USP43: variants seen among roughly 807,000 people sequenced by gnomAD.
USP43 encodes ubiquitin carboxyl-terminal hydrolase 43.
A neutral mutation model predicts 90.7 loss-of-function variants in USP43; 33 were observed. The observed-to-expected ratio is 0.36, with a 90% CI of 0.28 to 0.49. The LOEUF is 0.49. Ranked by LOEUF, USP43 falls within the 20% of genes least tolerant of loss-of-function variation. The probability of loss-of-function intolerance (pLI) is 0.98; values close to 1 mark genes in which losing one functional copy is unlikely to be tolerated. For missense variants in USP43, 1,274 were observed against 1,476.4 expected (o/e 0.86, Z 2.25); for synonymous variants, 598 against 615.8 (o/e 0.97, Z 0.43).
intron 4 of USP43, 33 bp from the exon 5 acceptor site, chr17:9,676,713 C>A: frequency 6.2e-7 from 1 of 1,603,720 alleles, no homozygotes; most frequent in South Asian, 1.1e-5. Context: ...TCATGTCAGT[C>A]CTTTAAGGGT....
chr17:9,678,482 G>A (rs560374850), intron 5 of USP43, among the ~76,000 whole-genome samples: 7 of 152,140 alleles, frequency 4.6e-5, no homozygotes, highest in African/African-American at 1.7e-4. Context: ...TCAGCCTCCT[G>A]AGTATGCATC....
At chr17:9,688,832 G>A (rs1050103384) in intron 8 of USP43, among the ~76,000 whole-genome samples, 2 of 152,094 alleles carry the variant, frequency 1.3e-5, no homozygotes, top group East Asian at 1.9e-4. Flanking sequence ...GACTGCAGGT[G>A]TATGGTACCG....
intron 2 of USP43, among the ~76,000 whole-genome samples, chr17:9,659,514 C>T (rs756813036): frequency 7.9e-5 from 12 of 152,134 alleles, no homozygotes. Context: ...TTTCCCATGG[C>T]GGGAGAGAGG....
chr17:9,671,999 T>C (rs1025422718), intron 3 of USP43, among the ~76,000 whole-genome samples: 2 of 152,216 alleles, frequency 1.3e-5, no homozygotes, highest in African/African-American at 4.8e-5. Context: ...TTCTTTATTT[T>C]ATTTTTATTT....
intron 8 of USP43, among the ~76,000 whole-genome samples, chr17:9,690,411 T>TA (rs1914869497): frequency 6.6e-6 from 1 of 151,926 alleles, no homozygotes; most frequent in Admixed American, 6.6e-5. Context: ...GTTGATTTTT[T>TA]AAAAAATTTT....
intron 14 of USP43, among the ~76,000 whole-genome samples, chr17:9,724,861 G>T (rs558520418): frequency 6.6e-6 from 1 of 152,212 alleles, no homozygotes; most frequent in South Asian, 2.1e-4. Flanking sequence ...GCGGGTAGAT[G>T]TATGAAGCAC....
chr17:9,665,957 CT>C (rs1252915835), intron 2 of USP43, among the ~76,000 whole-genome samples: 1 of 152,140 alleles, frequency 6.6e-6, no homozygotes, highest in Non-Finnish European at 1.5e-5. Context: ...CTGCCAACAC[CT>C]TGATTTCAGT....
At chr17:9,710,610 T>A (rs1916136038) in intron 13 of USP43, among the ~76,000 whole-genome samples, 1 of 148,262 alleles carries the variant, frequency 6.7e-6, no homozygotes, top group African/African-American at 2.5e-5. Flanking sequence ...GTTCAAGCGA[T>A]TCTCCTGCCT....
At position 9,729,618 on chromosome 17, in the gene USP43, G is replaced by GA. The variant is rs904456924; in HGVS notation, c.*635dup. ...TTTAAAAATAACTATTTTGATACTA[G>GA]AAAAAAAGTCCATTTTTTAATTTAA... is the stretch of plus-strand genomic sequence containing the variant. On this transcript the variant is annotated 3_prime_UTR_variant, in exon 15 of 15. Transcript: ENST00000285199. 5.3e-5 allele frequency: 8 copies of GA among 151,800 alleles called. No individual in the cohort carries two copies. Among genetic ancestry groups the GA allele is most frequent in the African/African-American group, 1.7e-4 (7 of 41,330 alleles). 9.4% of individuals were successfully genotyped at this position (151,800 alleles called of 1,614,324 possible). A position where few individuals can be genotyped will look rare whatever the true frequency, so the allele number is the denominator to read the frequency against.
In USP43 at chr17:9,728,189, G is replaced by T; in HGVS notation, c.2571G>T (p.Ala857=). 2 of 1,613,940 alleles carry T rather than the reference G, an allele frequency of 1.2e-6. No homozygotes were observed. Among genetic ancestry groups the T allele is most frequent in the Non-Finnish European group, 8.5e-7 (1 of 1,179,886 alleles). The change falls in exon 15 of 15, where the codon GCG becomes GCT. Residue 857 remains alanine (A), a synonymous_variant. Coordinates refer to ENST00000285199, the MANE Select transcript of USP43 (RefSeq NM_153210.5). This position sits in a 1 kb window ranked among gnomAD's most constrained non-coding sequence, Gnocchi z 6.2. ...TTGTGTCGCTGTTGACGGGCACTGC[G>T]GGTGAGGATGAGAAGTCAGCATCGC... ...QSIVSLLTGT[A]GEDEKSASPR...
chr17:9,713,812 A>C (rs1174194347), intron 14 of USP43, among the ~76,000 whole-genome samples: 4 of 152,212 alleles, frequency 2.6e-5, no homozygotes, highest in Middle Eastern at 3.2e-3. Context: ...TGCACAGTTA[A>C]TGAGGTGGGA....
intron 2 of USP43, among the ~76,000 whole-genome samples, chr17:9,663,614 T>C (rs1371258777): frequency 1.3e-5 from 2 of 149,890 alleles, no homozygotes; most frequent in Non-Finnish European, 3.0e-5. Context: ...TCTTTTTGTT[T>C]GTTTGTTTTT....
chr17:9,692,188 A>T (rs1232486569), intron 8 of USP43, among the ~76,000 whole-genome samples: 1 of 151,298 alleles, frequency 6.6e-6, no homozygotes, highest in African/African-American at 2.4e-5. Context: ...GTGAAACCCC[A>T]TCTCTACTAA....
chr17:9,659,226 T>C (rs1912474874), intron 2 of USP43, among the ~76,000 whole-genome samples: 1 of 152,228 alleles, frequency 6.6e-6, no homozygotes, highest in Admixed American at 6.5e-5. Context: ...TTGTCGAATG[T>C]TTGTTATGTG....
chr17:9,717,801 A>AT (rs3066742), intron 14 of USP43, among the ~76,000 whole-genome samples: 15,950 of 142,398 alleles, frequency 0.11, 1,378 homozygotes, highest in African/African-American at 0.24. Context: ...TATAGCTCAC[A>AT]TTTTTTTTTT....
rs528617663 is a variant in USP43 at position 9,724,667 on chromosome 17, C to T, written c.2336-3287C>T. 7.9e-5 allele frequency among the ~76,000 whole-genome samples: 12 copies of T among 152,208 alleles called. No individual in the cohort carries two copies. In the East Asian group the frequency reaches 1.2e-3, roughly 15 times the overall value. ...TGGACTGCAGCCTGGGGGACAAGAG[C>T]GAGACTCTGTCTCAAGAAAGAAAGA... On this transcript the variant is annotated intron_variant, in intron 14 of 14. Coordinates refer to ENST00000285199, the MANE Select transcript of USP43 (RefSeq NM_153210.5).
rs1384858690 is a variant in USP43, at chr17:9,676,754, G to A, written c.842G>A (p.Ser281Asn). 1 of 1,613,510 alleles carries A rather than the reference G, an allele frequency of 6.2e-7. No individual in the cohort carries two copies. Among genetic ancestry groups the A allele is most frequent in the East Asian group, 2.2e-5 (1 of 44,886 alleles). The change falls in exon 5 of 15, where the codon AGT becomes AAT. Residue 281 changes from serine (S) to asparagine (N), a missense_variant. By Grantham distance (46) the Ser-to-Asn change is conservative. Coordinates refer to ENST00000285199, the MANE Select transcript of USP43 (RefSeq NM_153210.5). ...CCCTTCCTATTTTCCAGGTTCTTGA[G>A]TGTCACCTTGGTCTTCCCCTCTAAG... Reference protein sequence around the residue: ...PIPLRQTRFLSVTLVFPSKSQ... With the variant: ...PIPLRQTRFLNVTLVFPSKSQ...
Position 9,674,880 on chromosome 17 carries a change from C to T in USP43, c.741-11C>T, listed in dbSNP as rs757282350. On this transcript the variant is annotated splice_polypyrimidine_tract_variant and intron_variant, in intron 3 of 14. Transcript: ENST00000285199. The surrounding 1 kb of genome is among the most constrained non-coding windows in gnomAD (Gnocchi z 4.4). Reference sequence around the variant, plus strand: ...TGATTAAACGTTCGCCTCTGTTCTTCACCCTCACAGATCTTCCTTGACTTG... The same window carrying T: ...TGATTAAACGTTCGCCTCTGTTCTTTACCCTCACAGATCTTCCTTGACTTG... 6.2e-7 allele frequency: 1 copy of T among 1,612,064 alleles called. No homozygotes were observed. Among genetic ancestry groups the T allele is most frequent in the Non-Finnish European group, 8.5e-7 (1 of 1,178,182 alleles).
At position 9,675,639 on chromosome 17, in the gene USP43, T is replaced by C. The variant is rs569045003; in HGVS notation, c.833+656T>C. ...GTTCCCCACCTCCTTAAGTGCCATT[T>C]CTCTTACCCTCTTCCTATTGACATC... On this transcript the variant is annotated intron_variant, in intron 4 of 14. Coordinates refer to ENST00000285199, the MANE Select transcript of USP43 (RefSeq NM_153210.5). 3.3e-5 allele frequency among the ~76,000 whole-genome samples: 5 copies of C among 152,200 alleles called. No homozygotes were observed. In the South Asian group the frequency reaches 1.0e-3, roughly 32 times the overall value.
Sources: allele counts gnomAD v4.1 joint callset (sites outside exome capture counted in the v4.1 genomes callset), GRCh38; gene constraint gnomAD v4.1.1; non-coding constraint Gnocchi (gnomAD v3.1); transcripts MANE v1.5; gene names NCBI Gene and HGNC (gene_info 2026-07-23, HGNC 2026-07-21).